The following TXNRD1 variants were observed in gnomAD, a reference collection of about 807,000 sequenced individuals.
TXNRD1 encodes the protein thioredoxin reductase 1, cytoplasmic.
In TXNRD1, 57 loss-of-function variants were observed where a neutral mutation model predicts 80.3. The ratio of observed to expected loss-of-function variants is 0.71; its 90% CI spans 0.57 to 0.89. The LOEUF (loss-of-function observed/expected upper bound fraction) is 0.89. Ranked by LOEUF, TXNRD1 falls within the 40% of genes least tolerant of loss-of-function variation. The probability of loss-of-function intolerance (pLI) is 0.00; values close to 1 mark genes in which losing one functional copy is unlikely to be tolerated. For synonymous variants in TXNRD1, 291 were observed against 285.2 expected, an observed-to-expected ratio of 1.02 and a Z score of -0.20; for missense variants, 730 against 803.0, an observed-to-expected ratio of 0.91 and a Z score of 1.10.
chr12:104,321,239 C>G lies in TXNRD1; in HGVS notation c.1138C>G (p.Gln380Glu), dbSNP rs753915216. The G allele has an allele frequency of 6.2e-7, 1 of 1,613,746 alleles. No homozygotes were observed. Among genetic ancestry groups the G allele is most frequent in the Non-Finnish European group, 8.5e-7 (1 of 1,179,828 alleles). The change falls in exon 10 of 17, where the codon CAG (glutamine) becomes GAG (glutamate). Residue 380 changes from glutamine (Q) to glutamate (E), a missense_variant. By Grantham distance (29) the Gln-to-Glu change is conservative. Transcript: ENST00000525566. ...GTCCATTCTTCTTAGAGGATTTGAC[C>G]AGGACATGGCCAACAAAATTGGTGA... is the stretch of plus-strand genomic sequence containing the variant. ...VRSILLRGFD[Q>E]DMANKIGEHM... is the part of the protein sequence containing the mutation.
intron 13 of TXNRD1, among the ~76,000 whole-genome samples, chr12:104,328,166 A>G (rs953471442): frequency 2.0e-5 from 3 of 150,752 alleles, no homozygotes; most frequent in Non-Finnish European, 4.4e-5. Flanking sequence ...CTCCATCTAA[A>G]AAAAAAAATT....
intron 2 of TXNRD1, among the ~76,000 whole-genome samples, chr12:104,254,566 A>G (rs547427300): frequency 6.9e-6 from 1 of 144,708 alleles, no homozygotes; most frequent in South Asian, 2.3e-4. Context: ...CCAAGGCAAG[A>G]GGTTCACCTG....
At chr12:104,303,369 G>GT (rs2034720611) in intron 4 of TXNRD1, among the ~76,000 whole-genome samples, 1 of 152,196 alleles carries the variant, frequency 6.6e-6, no homozygotes, top group Non-Finnish European at 1.5e-5. Context: ...CTTACCGACG[G>GT]TTTACAGTCC....
chr12:104,255,264 T>G (rs2033223686), intron 2 of TXNRD1, among the ~76,000 whole-genome samples: 1 of 152,122 alleles, frequency 6.6e-6, no homozygotes, highest in Non-Finnish European at 1.5e-5. Context: ...CCAGATCTCT[T>G]TGACCTATCA....
At chr12:104,279,652 G>A (rs141820381) in intron 3 of TXNRD1, among the ~76,000 whole-genome samples, 327 of 152,216 alleles carry the variant, frequency 2.1e-3, no homozygotes, top group African/African-American at 7.6e-3. Flanking sequence ...AACAGACTTT[G>A]GTTCTGCAAT....
chr12:104,317,493 G>A (rs572135684), intron 7 of TXNRD1, among the ~76,000 whole-genome samples: 32 of 144,200 alleles, frequency 2.2e-4, no homozygotes, highest in Non-Finnish European at 4.0e-4. Flanking sequence ...TCAATTTTTT[G>A]TGCTGTCATT....
Position 104,229,562 on chromosome 12 carries a change from C to CATTTTATTTT in TXNRD1, c.91+13699_91+13708dup, listed in dbSNP as rs201478909. On this transcript the variant is annotated intron_variant, in intron 1 of 16. Transcript: ENST00000525566. The stretch of plus-strand genomic sequence containing the variant: ...AACAGTGCATTGTATGAATATACAA[C>CATTTTATTTT]ATTTTATTTTATTTTATTTTATTTT... Among the ~76,000 whole-genome samples the CATTTTATTTT allele has an allele frequency of 5.7e-3, 816 of 141,970 alleles. 5 individuals carry two copies. The highest frequency in any genetic ancestry group is 0.017 in the African/African-American group (605 of 35,346). 93.1% of individuals were successfully genotyped at this position (141,970 alleles called of 152,430 possible).
At position 104,319,546 on chromosome 12, in the gene TXNRD1, AC is replaced by A. The variant is rs1486709106; in HGVS notation, c.951del (p.Leu318TrpfsTer47). On this transcript the variant is annotated frameshift_variant, in exon 9 of 17. Coordinates refer to ENST00000525566, the MANE Select transcript of TXNRD1 (RefSeq NM_001093771.3). LOFTEE classifies it high-confidence loss of function. ...ATTGCCACTGGTGAAAGACCACGTT[AC>A]TTGGGCATCCCTGGTGACAAAGAAT... Reference protein sequence around the residue: ...FLIATGERPRYLGIPGDKEYC... With the variant: ...FLIATGERPRXLGIPGDKEYC... 1 of 1,605,620 alleles carries A rather than the reference AC, an allele frequency of 6.2e-7. No individual in the cohort carries two copies. The highest frequency in any genetic ancestry group is 2.2e-5 in the East Asian group (1 of 44,796).
chr12:104,340,246 A>C (rs2036276497), intron 16 of TXNRD1, among the ~76,000 whole-genome samples: 1 of 152,204 alleles, frequency 6.6e-6, no homozygotes, highest in South Asian at 2.1e-4. Flanking sequence ...TTGTGACGGA[A>C]ATAGAATTAA....
At chr12:104,233,763 C>A (rs545501712) in intron 1 of TXNRD1, among the ~76,000 whole-genome samples, 21 of 152,258 alleles carry the variant, frequency 1.4e-4, no homozygotes, top group African/African-American at 4.8e-4. Context: ...CTCAGGTGAT[C>A]TGCCTGCCTC....
At chr12:104,334,934 C>CTA (rs1252602585) in intron 15 of TXNRD1, among the ~76,000 whole-genome samples, 1 of 152,146 alleles carries the variant, frequency 6.6e-6, no homozygotes, top group African/African-American at 2.4e-5. Flanking sequence ...AAGTCATCGA[C>CTA]TATCTAAATA....
chr12:104,279,831 G>A (rs1240199290), intron 3 of TXNRD1, among the ~76,000 whole-genome samples: 2 of 152,040 alleles, frequency 1.3e-5, no homozygotes, highest in African/African-American at 4.8e-5. Flanking sequence ...TTGGGAGGCC[G>A]AGGAGGGTGG....
chr12:104,252,944 C>T (rs190172297), intron 2 of TXNRD1, among the ~76,000 whole-genome samples: 1 of 151,634 alleles, frequency 6.6e-6, no homozygotes, highest in Non-Finnish European at 1.5e-5. Context: ...CCTTGTGATC[C>T]ACCTGCCTCG....
intron 1 of TXNRD1, among the ~76,000 whole-genome samples, chr12:104,227,719 A>T (rs2032505631): frequency 6.6e-6 from 1 of 152,202 alleles, no homozygotes; most frequent in South Asian, 2.1e-4. Context: ...CTCTGGAGCC[A>T]CTGACCTGTT....
intron 10 of TXNRD1, among the ~76,000 whole-genome samples, chr12:104,321,580 C>T (rs929791676): frequency 1.3e-5 from 2 of 152,132 alleles, no homozygotes; most frequent in East Asian, 3.8e-4. Context: ...TAATGCTTTC[C>T]TTTATGCATT....
intron 1 of TXNRD1, among the ~76,000 whole-genome samples, chr12:104,242,999 T>G (rs1417123067): frequency 6.6e-6 from 1 of 152,178 alleles, no homozygotes; most frequent in Non-Finnish European, 1.5e-5. Flanking sequence ...GACCCCAACA[T>G]AACTAAGGTT....
intron 1 of TXNRD1, among the ~76,000 whole-genome samples, chr12:104,217,468 G>C (rs1254993239): frequency 6.6e-6 from 1 of 151,620 alleles, no homozygotes; most frequent in Non-Finnish European, 1.5e-5. Context: ...GCACCACCAC[G>C]CCTGGCTAAT....
chr12:104,265,348 G>C, intron 3 of TXNRD1: 1 of 1,609,242 alleles, frequency 6.2e-7, no homozygotes, highest in Non-Finnish European at 8.5e-7. Context: ...CAAGGTAGTG[G>C]GTCGCTGCCT....
At position 104,304,214 on chromosome 12, in the gene TXNRD1, G is replaced by C. The variant is rs781279672; in HGVS notation, c.415-7076G>C. ...AGCAGCCCTCGACGCCCGGTTTCTT[G>C]TTATGGCTTCTGATTTGGGTAAAGA... On this transcript the variant is annotated intron_variant, in intron 4 of 16. Transcript: ENST00000525566. 8 of 1,613,928 alleles carry C rather than the reference G, an allele frequency of 5.0e-6. No homozygotes were observed. The African/African-American group carries it at 9.3e-5, about 19-fold the overall frequency.
Sources: gnomAD v4.1 joint callset for allele counts (sites outside exome capture counted in the v4.1 genomes callset) on GRCh38, gnomAD v4.1.1 for gene constraint, MANE v1.5 for transcripts, NCBI Gene and HGNC (gene_info 2026-07-23, HGNC 2026-07-21) for gene names.